PAAF1: variants seen among roughly 807,000 people sequenced by gnomAD.
PAAF1 encodes the protein proteasomal ATPase associated factor 1, also known as proteasomal ATPase-associated factor 1.
In PAAF1, 46 loss-of-function variants were observed where a neutral mutation model predicts 52.8. The observed-to-expected ratio is 0.87, with a 90% CI of 0.69 to 1.11. The LOEUF (loss-of-function observed/expected upper bound fraction) is 1.11, where lower values mean the gene tolerates loss of function less well. PAAF1 is among the 50% of genes most tolerant of loss of function. The pLI is 0.00. For synonymous variants in PAAF1, 178 were observed against 172.8 expected (o/e 1.03, Z -0.24); for missense variants, 424 against 477.4 (o/e 0.89, Z 1.04).
At chr11:73,880,811 T>G (rs1948883205) in intron 2 of PAAF1, 1 of 147,198 alleles carries the variant, frequency 6.8e-6, no homozygotes, top group African/African-American at 2.5e-5. Flanking sequence ...CCAGCCTGGC[T>G]AACATGGTGA....
At chr11:73,906,326 C>T (rs1435404590) in intron 6 of PAAF1, among the ~76,000 whole-genome samples, 2 of 152,182 alleles carry the variant, frequency 1.3e-5, no homozygotes, top group Non-Finnish European at 2.9e-5. Flanking sequence ...AATCTCCGCT[C>T]ACTTCAACCT....
chr11:73,920,036 T>TG (rs1021967326), intron 10 of PAAF1, among the ~76,000 whole-genome samples: 39 of 150,536 alleles, frequency 2.6e-4, no homozygotes, highest in African/African-American at 8.3e-4. Context: ...GAAAGACTGG[T>TG]GAAAAAAAAA....
At chr11:73,888,524 C>T (rs201406236) in intron 3 of PAAF1, among the ~76,000 whole-genome samples, 1 of 152,138 alleles carries the variant, frequency 6.6e-6, no homozygotes, top group Non-Finnish European at 1.5e-5. Context: ...GAGATGATTC[C>T]GTAAGGGTGG....
chr11:73,918,430 C>A, intron 9 of PAAF1, among the ~76,000 whole-genome samples: 1 of 123,506 alleles, frequency 8.1e-6, no homozygotes, highest in African/African-American at 3.0e-5. Flanking sequence ...TAAAGTCACA[C>A]TTACATATAT....
Position 73,894,517 on chromosome 11 carries a change from AT to A in PAAF1, c.282+3317del, listed in dbSNP as rs767416690. On this transcript the variant is annotated intron_variant, in intron 4 of 11. Transcript: ENST00000310571. Reference sequence around the variant, plus strand: ...CGGAGGGAAGGGATAGCATTAGGAGATGTACCTAATGTTAAATGACGAGTTA... The same window carrying A: ...CGGAGGGAAGGGATAGCATTAGGAGAGTACCTAATGTTAAATGACGAGTTA... Among the ~76,000 whole-genome samples, 120 of 152,246 alleles carry A rather than the reference AT, an allele frequency of 7.9e-4. 1 individual carries two copies. Among genetic ancestry groups the A allele is most frequent in the Non-Finnish European group, 2.2e-4 (15 of 68,024 alleles).
chr11:73,904,245 C>T (rs558705805), intron 6 of PAAF1, among the ~76,000 whole-genome samples: 1 of 152,046 alleles, frequency 6.6e-6, no homozygotes, highest in South Asian at 2.1e-4. Context: ...GAAAGGTAGA[C>T]TAAAAGTAGT....
At chr11:73,895,199 A>G (rs948181141) in intron 4 of PAAF1, among the ~76,000 whole-genome samples, 1 of 152,200 alleles carries the variant, frequency 6.6e-6, no homozygotes, top group East Asian at 1.9e-4. Flanking sequence ...AGTATGAGAG[A>G]AAAGGAGGAG....
chr11:73,909,365 TC>T (rs1204768366), intron 6 of PAAF1, 33 bp from the exon 7 acceptor site: 1 of 1,603,798 alleles, frequency 6.2e-7, no homozygotes, highest in South Asian at 1.1e-5. Flanking sequence ...CTTTACTCCA[TC>T]CTCCATCTTA....
At chr11:73,902,757 C>T (rs542581373) in intron 6 of PAAF1, among the ~76,000 whole-genome samples, 12 of 152,134 alleles carry the variant, frequency 7.9e-5, no homozygotes, top group East Asian at 1.9e-4. Flanking sequence ...GGTGCAGTGG[C>T]GCGATCTTGG....
At chr11:73,887,241 G>A (rs17244692) in intron 2 of PAAF1, 113 bp from the exon 3 acceptor site, 38,784 of 655,940 alleles carry the variant, frequency 0.059, 1,275 homozygotes, top group Middle Eastern at 0.087. Context: ...TTTTTCTTTC[G>A]TGGGCCAATT....
chr11:73,877,528 C>G (rs1041505481), intron 1 of PAAF1, among the ~76,000 whole-genome samples: 3 of 152,134 alleles, frequency 2.0e-5, no homozygotes, highest in African/African-American at 7.2e-5. Flanking sequence ...AGGCCCCATA[C>G]TGGATGCTTG....
At chr11:73,895,163 G>A (rs765081577) in intron 4 of PAAF1, among the ~76,000 whole-genome samples, 4 of 152,216 alleles carry the variant, frequency 2.6e-5, no homozygotes. Flanking sequence ...GGGACTAGAC[G>A]TGATTTGCTG....
intron 10 of PAAF1, chr11:73,921,850 T>A (rs1950228862): frequency 8.9e-7 from 1 of 1,123,408 alleles, no homozygotes; most frequent in South Asian, 1.2e-5. Context: ...ATACATTGCA[T>A]TAAGTGGAAA....
At position 73,909,598 on chromosome 11, in the gene PAAF1, GTT is replaced by G; in HGVS notation, c.727+6_727+7del. 6.2e-7 allele frequency: 1 copy of G among 1,613,584 alleles called. No individual in the cohort carries two copies. The highest frequency in any genetic ancestry group is 8.5e-7 in the Non-Finnish European group (1 of 1,179,552). On this transcript the variant is annotated splice_donor_region_variant and intron_variant, in intron 7 of 11. Transcript: ENST00000310571. ...GCTCCCCTGAGCAGATGCCCAGTAA[GTT>G]GATAATGATATGTAGCATTGTTTTA...
chr11:73,921,839 G>T, intron 10 of PAAF1: 1 of 1,119,000 alleles, frequency 8.9e-7, no homozygotes, highest in Non-Finnish European at 1.3e-6. Context: ...GCAGGTTTGG[G>T]ATACATTGCA....
At chr11:73,922,539 C>T (rs1005793710) in intron 10 of PAAF1, among the ~76,000 whole-genome samples, 9 of 151,974 alleles carry the variant, frequency 5.9e-5, no homozygotes, top group African/African-American at 1.7e-4. Flanking sequence ...GGATATAGGC[C>T]GGGCACAGTG....
chr11:73,877,201 G>C (rs1948766238), intron 1 of PAAF1, 133 bp downstream of exon 1: 7 of 964,808 alleles, frequency 7.3e-6, no homozygotes, highest in Non-Finnish European at 4.3e-6. Context: ...GAGGGAACAG[G>C]GTCCGGAAAA....
intron 10 of PAAF1, among the ~76,000 whole-genome samples, chr11:73,923,401 T>C (rs1015606266): frequency 3.9e-5 from 6 of 152,098 alleles, no homozygotes; most frequent in African/African-American, 1.4e-4. Context: ...CCATGTAAAA[T>C]AGGCACAAAA....
chr11:73,900,789 C>T (rs943028456), intron 6 of PAAF1, among the ~76,000 whole-genome samples: 3 of 151,602 alleles, frequency 2.0e-5, no homozygotes, highest in Non-Finnish European at 2.9e-5. Context: ...GAGACCATCC[C>T]GGCTAAAACG....
Sources: allele counts gnomAD v4.1 joint callset (sites outside exome capture counted in the v4.1 genomes callset), GRCh38; gene constraint gnomAD v4.1.1; transcripts MANE v1.5; gene names NCBI Gene and HGNC (gene_info 2026-07-23, HGNC 2026-07-21).